Variants in RGS18 observed in about 807,000 individuals in gnomAD.
The protein encoded by RGS18 is regulator of G protein signaling 18.
RGS18 carries 22 observed loss-of-function variants against 27.6 expected under a neutral mutation model. The ratio of observed to expected loss-of-function variants is 0.80; its 90% CI spans 0.57 to 1.14. The LOEUF is 1.14. RGS18 is among the 50% of genes most tolerant of loss of function. The pLI is 0.00. For synonymous variants in RGS18, 89 were observed against 84.6 expected, an observed-to-expected ratio of 1.05 and a Z score of -0.29; for missense variants, 299 against 269.6, an observed-to-expected ratio of 1.11 and a Z score of -0.76.
At chr1:192,174,586 C>G (rs913726390) in intron 3 of RGS18, among the ~76,000 whole-genome samples, 1 of 151,768 alleles carries the variant, frequency 6.6e-6, no homozygotes, top group African/African-American at 2.4e-5. Flanking sequence ...TATTTTGAAG[C>G]TCTAAATGAA....
At chr1:192,165,982 A>G (rs1656156658) in intron 3 of RGS18, among the ~76,000 whole-genome samples, 1 of 152,224 alleles carries the variant, frequency 6.6e-6, no homozygotes, top group Non-Finnish European at 1.5e-5. Flanking sequence ...ATGAAATATC[A>G]AACTATATCT....
chr1:192,175,040 TC>T (rs1373020142), intron 3 of RGS18, among the ~76,000 whole-genome samples: 5 of 152,020 alleles, frequency 3.3e-5, no homozygotes, highest in Admixed American at 6.6e-5. Context: ...TGCTAGCATA[TC>T]CATCCCTTCT....
chr1:192,160,754 AT>A (rs1211837236), intron 3 of RGS18: 1 of 277,158 alleles, frequency 3.6e-6, no homozygotes, highest in African/African-American at 2.2e-5. Flanking sequence ...TTAACGAACT[AT>A]TCATGTTAGT....
intron 3 of RGS18, among the ~76,000 whole-genome samples, chr1:192,160,937 C>G (rs1656058645): frequency 6.6e-6 from 1 of 152,202 alleles, no homozygotes. Context: ...ACTGCAAGCT[C>G]CGCCTCCGTT....
chr1:192,165,841 A>G (rs1488703369), intron 3 of RGS18, among the ~76,000 whole-genome samples: 2 of 152,014 alleles, frequency 1.3e-5, no homozygotes, highest in Non-Finnish European at 2.9e-5. Flanking sequence ...TTTTTCTGCT[A>G]TTTCTATTTA....
At chr1:192,159,532 AG>A (rs1656033984) in intron 2 of RGS18, among the ~76,000 whole-genome samples, 1 of 152,212 alleles carries the variant, frequency 6.6e-6, no homozygotes, top group South Asian at 2.1e-4. Flanking sequence ...GAACACTTAA[AG>A]CTGCTCTTTT....
intron 3 of RGS18, among the ~76,000 whole-genome samples, chr1:192,164,026 C>T (rs372992770): frequency 6.6e-6 from 1 of 151,690 alleles, no homozygotes; most frequent in Admixed American, 6.6e-5. Flanking sequence ...TAAAAGGAAA[C>T]AAAATTTACT....
intron 3 of RGS18, among the ~76,000 whole-genome samples, chr1:192,172,433 T>C (rs1465739019): frequency 1.3e-5 from 2 of 151,914 alleles, no homozygotes; most frequent in African/African-American, 2.4e-5. Flanking sequence ...CACAAAACCC[T>C]CACCAGAAGC....
In RGS18 at chr1:192,184,808, C is replaced by CA. The variant is rs988171227; in HGVS notation, c.*261dup. The stretch of plus-strand genomic sequence containing the variant: ...CTTATTTCTTAATCAAAAGGCAGTA[C>CA]AAAAAAAGTAATAATGTTTTATAAG... On this transcript the variant is annotated 3_prime_UTR_variant, in exon 5 of 5. Transcript: ENST00000367460. 19 of 376,450 alleles carry CA rather than the reference C, an allele frequency of 5.0e-5. No individual in the cohort carries two copies. The highest frequency in any genetic ancestry group is 3.4e-4 in the Admixed American group (8 of 23,604). The allele number at this position is 376,450 out of a possible 1,614,324, so 23.3% of individuals were successfully genotyped here.
intron 3 of RGS18, chr1:192,163,482 T>G (rs1040449359): frequency 6.6e-5 from 10 of 152,160 alleles, no homozygotes; most frequent in African/African-American, 2.4e-4. Flanking sequence ...CTTTCTTCTT[T>G]AAAAGTGGTA....
At chr1:192,161,233 T>C (rs954493203) in intron 3 of RGS18, among the ~76,000 whole-genome samples, 30 of 152,196 alleles carry the variant, frequency 2.0e-4, no homozygotes, top group African/African-American at 6.8e-4. Context: ...CAGAATTTTG[T>C]AGAAATGTTG....
intron 4 of RGS18, 35 bp downstream of exon 4, chr1:192,181,493 C>T: frequency 7.2e-7 from 1 of 1,397,306 alleles, no homozygotes; most frequent in Non-Finnish European, 9.5e-7. Context: ...TGCATAATTG[C>T]TTTCAAAATT....
Position 192,173,238 on chromosome 1 carries a change from C to T in RGS18, c.284-8054C>T, listed in dbSNP as rs1656294437. On this transcript the variant is annotated intron_variant, in intron 3 of 4. Coordinates refer to ENST00000367460, the MANE Select transcript of RGS18 (RefSeq NM_130782.3). ...GTTAAAATGAGTTGAACAGACAAAG[C>T]TACAACATTTATTTCAACTTTTTTC... Among the ~76,000 whole-genome samples, 5 of 151,964 alleles carry T rather than the reference C, an allele frequency of 3.3e-5. No individual in the cohort carries two copies. The South Asian group carries it at 1.0e-3, about 32-fold the overall frequency.
At chr1:192,164,266 T>A (rs1490233523) in intron 3 of RGS18, among the ~76,000 whole-genome samples, 1 of 152,082 alleles carries the variant, frequency 6.6e-6, no homozygotes, top group African/African-American at 2.4e-5. Context: ...AGAATCAGTA[T>A]AGGAATGGGG....
At chr1:192,180,346 A>G (rs1010436345) in intron 3 of RGS18, among the ~76,000 whole-genome samples, 1 of 151,556 alleles carries the variant, frequency 6.6e-6, no homozygotes, top group Non-Finnish European at 1.5e-5. Context: ...GATCATTATT[A>G]TCTTAATTTT....
At position 192,179,378 on chromosome 1, in the gene RGS18, A is replaced by G. The variant is rs562317039; in HGVS notation, c.284-1914A>G. On this transcript the variant is annotated intron_variant, in intron 3 of 4. Coordinates refer to ENST00000367460, the MANE Select transcript of RGS18 (RefSeq NM_130782.3). ...AGAAAGTTTATCTGAAAAATCCATT[A>G]GGAACATATTTCCCTTCCCTCAACA... Among the ~76,000 whole-genome samples, 6 of 151,746 alleles carry G rather than the reference A, an allele frequency of 4.0e-5. No homozygotes were observed. In the South Asian group the frequency reaches 6.2e-4, roughly 16 times the overall value.
At chr1:192,175,868 A>G (rs1218595840) in intron 3 of RGS18, among the ~76,000 whole-genome samples, 1 of 151,944 alleles carries the variant, frequency 6.6e-6, no homozygotes, top group African/African-American at 2.4e-5. Flanking sequence ...TGATACAACT[A>G]GTTAAGCAAA....
chr1:192,179,809 C>T (rs1656419812), intron 3 of RGS18, among the ~76,000 whole-genome samples: 1 of 151,422 alleles, frequency 6.6e-6, no homozygotes, highest in African/African-American at 2.4e-5. Context: ...AAAAAAATTA[C>T]ATGTGGGGAG....
chr1:192,178,938 G>C (rs2102159649), intron 3 of RGS18, among the ~76,000 whole-genome samples: 1 of 151,510 alleles, frequency 6.6e-6, no homozygotes, highest in South Asian at 2.1e-4. Flanking sequence ...TTGAAGTTCA[G>C]AAAAAAGGAG....
Sources: allele counts gnomAD v4.1 joint callset (sites outside exome capture counted in the v4.1 genomes callset), GRCh38; gene constraint gnomAD v4.1.1; transcripts MANE v1.5; gene names NCBI Gene and HGNC (gene_info 2026-07-23, HGNC 2026-07-21).